Variants in CACNB4 observed in about 807,000 individuals in gnomAD.
CACNB4 encodes voltage-dependent L-type calcium channel subunit beta-4.
A neutral mutation model predicts 71.2 loss-of-function variants in CACNB4; 32 were observed. That is an observed-to-expected ratio of 0.45 (90% confidence interval 0.34 to 0.60). The LOEUF (loss-of-function observed/expected upper bound fraction) is 0.60, where lower values mean the gene tolerates loss of function less well. Among genes scored for constraint, CACNB4 ranks in the 20% least tolerant of loss-of-function variants. The probability of loss-of-function intolerance (pLI) is 0.01; values close to 1 mark genes in which losing one functional copy is unlikely to be tolerated. For missense variants in CACNB4, 464 were observed against 647.9 expected (o/e 0.72, Z 3.08); for synonymous variants, 231 against 236.9 (o/e 0.97, Z 0.23).
chr2:151,848,051 T>C, intron 12 of CACNB4, among the ~76,000 whole-genome samples: 1 of 152,180 alleles, frequency 6.6e-6, no homozygotes, highest in East Asian at 1.9e-4. Context: ...AACCCAAACA[T>C]GTTTTCCTCC....
At chr2:151,924,750 C>G (rs2099859823) in intron 2 of CACNB4, among the ~76,000 whole-genome samples, 1 of 152,124 alleles carries the variant, frequency 6.6e-6, no homozygotes. Context: ...TTCTGGAATG[C>G]CAGACTGGCA....
chr2:152,078,865 TGA>T (rs1468392578), intron 2 of CACNB4, among the ~76,000 whole-genome samples: 4 of 152,134 alleles, frequency 2.6e-5, no homozygotes, highest in Non-Finnish European at 5.9e-5. Context: ...AAATATATAT[TGA>T]TCTTTTGGTT....
At chr2:151,975,895 G>T (rs1467850538) in intron 2 of CACNB4, among the ~76,000 whole-genome samples, 1 of 152,160 alleles carries the variant, frequency 6.6e-6, no homozygotes, top group African/African-American at 2.4e-5. Context: ...CTAAATTAAG[G>T]GGAGAAGACA....
intron 2 of CACNB4, among the ~76,000 whole-genome samples, chr2:151,929,914 A>G (rs2099861214): frequency 6.6e-6 from 1 of 152,164 alleles, no homozygotes; most frequent in African/African-American, 2.4e-5. Context: ...AAGACTCAAT[A>G]TAATAAAAAT....
intron 2 of CACNB4, among the ~76,000 whole-genome samples, chr2:152,017,552 C>CA (rs1281147592): frequency 2.6e-5 from 4 of 151,540 alleles, no homozygotes; most frequent in Admixed American, 2.0e-4. Context: ...ACTAAAAATA[C>CA]AAAAAATCAG....
chr2:151,951,400 G>A (rs576395036), intron 2 of CACNB4, among the ~76,000 whole-genome samples: 13 of 152,078 alleles, frequency 8.5e-5, no homozygotes, highest in Non-Finnish European at 1.9e-4. Flanking sequence ...CATTGACTGA[G>A]GAAGCCCTCC....
intron 2 of CACNB4, among the ~76,000 whole-genome samples, chr2:151,916,960 A>G (rs2099857692): frequency 6.6e-6 from 1 of 152,226 alleles, no homozygotes. Context: ...GCGGTGCCAA[A>G]GTTCAGACAC....
intron 2 of CACNB4, among the ~76,000 whole-genome samples, chr2:151,963,319 A>T (rs2099870153): frequency 6.6e-6 from 1 of 150,508 alleles, no homozygotes; most frequent in Admixed American, 6.6e-5. Flanking sequence ...CTCAAAAAAA[A>T]AAAAAAAAAA....
chr2:152,054,234 C>T (rs866431057), intron 2 of CACNB4, among the ~76,000 whole-genome samples: 4 of 151,772 alleles, frequency 2.6e-5, no homozygotes, highest in Admixed American at 1.3e-4. Flanking sequence ...GGCGTGGTGG[C>T]GCGCGCCTGT....
intron 2 of CACNB4, among the ~76,000 whole-genome samples, chr2:151,987,611 T>C (rs966565412): frequency 3.3e-5 from 5 of 152,238 alleles, no homozygotes; most frequent in African/African-American, 4.8e-5. Context: ...AAACAGCACA[T>C]ATAGCCAAAA....
intron 2 of CACNB4, among the ~76,000 whole-genome samples, chr2:151,996,379 T>C (rs1050868177): frequency 2.6e-5 from 4 of 151,690 alleles, no homozygotes; most frequent in African/African-American, 9.7e-5. Flanking sequence ...AGAGTCACTG[T>C]GATTCAGAAG....
At chr2:151,978,256 T>C (rs948547969) in intron 2 of CACNB4, among the ~76,000 whole-genome samples, 2 of 152,060 alleles carry the variant, frequency 1.3e-5, no homozygotes, top group African/African-American at 4.8e-5. Flanking sequence ...ATGGAGATAA[T>C]AGTTTTGAAA....
intron 12 of CACNB4, 146 bp downstream of exon 12, chr2:151,853,302 G>A (rs1559867814): frequency 8.9e-6 from 5 of 560,686 alleles, no homozygotes; most frequent in Non-Finnish European, 9.3e-6. Flanking sequence ...CAACATAACA[G>A]CAGCAGTTTG....
intron 2 of CACNB4, among the ~76,000 whole-genome samples, chr2:151,893,077 A>T (rs2099851132): frequency 6.6e-6 from 1 of 152,220 alleles, no homozygotes; most frequent in Non-Finnish European, 1.5e-5. Context: ...CATGTTTGGT[A>T]CTGGCGCAGA....
At chr2:152,020,528 A>G (rs978508211) in intron 2 of CACNB4, among the ~76,000 whole-genome samples, 6 of 152,230 alleles carry the variant, frequency 3.9e-5, no homozygotes, top group African/African-American at 1.4e-4. Context: ...CTGATGATAA[A>G]GAAAGAAAAG....
intron 2 of CACNB4, among the ~76,000 whole-genome samples, chr2:151,958,371 T>G (rs961188867): frequency 6.6e-6 from 1 of 152,186 alleles, no homozygotes; most frequent in Non-Finnish European, 1.5e-5. Context: ...CCCAGCTGTC[T>G]AGAACGAAAC....
At position 151,836,569 on chromosome 2, in the gene CACNB4, A is replaced by G. The variant is rs2099834945; in HGVS notation, c.*2550T>C. 1 of 151,962 alleles carries G rather than the reference A, an allele frequency of 6.6e-6. No individual in the cohort carries two copies. 9.4% of individuals were successfully genotyped at this position (151,962 alleles called of 1,614,324 possible). On this transcript the variant is annotated 3_prime_UTR_variant, in exon 14 of 14. Transcript: ENST00000539935. Reference sequence around the variant, plus strand: ...AAATATATCCATCAATAAAATATACATTATACCCTTTCCAAGATTGTCAGC... The same window carrying G: ...AAATATATCCATCAATAAAATATACGTTATACCCTTTCCAAGATTGTCAGC...
chr2:151,842,320 C>CT (rs35662354), intron 12 of CACNB4, among the ~76,000 whole-genome samples: 7,363 of 67,768 alleles, frequency 0.11, 1,427 homozygotes, highest in African/African-American at 0.27. Flanking sequence ...ATATTTGGAT[C>CT]TTTTTTTTTT....
At chr2:151,888,814 A>G (rs2099850014) in intron 2 of CACNB4, among the ~76,000 whole-genome samples, 1 of 152,154 alleles carries the variant, frequency 6.6e-6, no homozygotes, top group Non-Finnish European at 1.5e-5. Context: ...TAGATTTGGG[A>G]ATCAATAAGA....
Sources: allele counts gnomAD v4.1 joint callset (sites outside exome capture counted in the v4.1 genomes callset), GRCh38; gene constraint gnomAD v4.1.1; transcripts MANE v1.5; gene names NCBI Gene and HGNC (gene_info 2026-07-23, HGNC 2026-07-21).